The following PCDHA9 variants were observed in gnomAD, a reference collection of about 807,000 sequenced individuals.
PCDHA9 encodes the protein protocadherin alpha-9.
A neutral mutation model predicts 62.0 loss-of-function variants in PCDHA9; 62 were observed. The ratio of observed to expected loss-of-function variants is 1.00; its 90% CI spans 0.81 to 1.23. The LOEUF is 1.23. PCDHA9 is among the 50% of genes most tolerant of loss of function. The pLI is 0.00. For missense variants in PCDHA9, 1,205 were observed against 1,249.8 expected (o/e 0.96, Z 0.54); for synonymous variants, 557 against 567.6 (o/e 0.98, Z 0.27).
intron 1 of PCDHA9, chr5:140,870,574 T>C (rs1429082420): frequency 6.2e-7 from 1 of 1,613,934 alleles, no homozygotes; most frequent in Non-Finnish European, 8.5e-7. Flanking sequence ...GCTGGTGTCC[T>C]ACTCGCTGGT....
At chr5:140,948,489 T>C (rs547481990) in intron 1 of PCDHA9, among the ~76,000 whole-genome samples, 6 of 151,790 alleles carry the variant, frequency 4.0e-5, no homozygotes, top group Admixed American at 3.3e-4. Context: ...TTCAATTTCT[T>C]TCATAGACTT....
intron 1 of PCDHA9, among the ~76,000 whole-genome samples, chr5:140,946,631 T>TATATATATATATATATATACACAC (rs57893927): frequency 7.6e-6 from 1 of 131,846 alleles, no homozygotes; most frequent in South Asian, 2.2e-4. Context: ...TATATATATA[T>TATATATATATATATATATACACAC]ACAATGGAAT....
chr5:140,912,851 A>C lies in PCDHA9; in HGVS notation c.2394+61962A>C, dbSNP rs564747882. ...TTTTATTAAATGCTTTTTCAGCATCAATTGAAATGATATATGGTTTTTGGT... is the reference window on the plus strand; with the variant it reads ...TTTTATTAAATGCTTTTTCAGCATCCATTGAAATGATATATGGTTTTTGGT... On this transcript the variant is annotated intron_variant, in intron 1 of 3. Coordinates refer to ENST00000532602, the MANE Select transcript of PCDHA9 (RefSeq NM_031857.2). Among the ~76,000 whole-genome samples, 3 of 152,328 alleles carry C rather than the reference A, an allele frequency of 2.0e-5. No individual in the cohort carries two copies. The South Asian group carries it at 6.2e-4, about 32-fold the overall frequency.
intron 1 of PCDHA9, among the ~76,000 whole-genome samples, chr5:140,898,111 T>C (rs1319791706): frequency 6.6e-6 from 1 of 152,184 alleles, no homozygotes; most frequent in Non-Finnish European, 1.5e-5. Context: ...ATGAGTAGGT[T>C]GCGAAAATTT....
intron 1 of PCDHA9, chr5:140,966,657 G>A: frequency 1.7e-6 from 2 of 1,210,192 alleles, no homozygotes; most frequent in Admixed American, 3.9e-5. Context: ...TGAGCGGTGG[G>A]GGAGCAGGCG....
chr5:140,872,429 C>T (rs2053657736), intron 1 of PCDHA9, among the ~76,000 whole-genome samples: 1 of 152,028 alleles, frequency 6.6e-6, no homozygotes, highest in Non-Finnish European at 1.5e-5. Flanking sequence ...GAGTTCGAGG[C>T]CTGCCTGGAC....
intron 1 of PCDHA9, among the ~76,000 whole-genome samples, chr5:140,953,252 T>C (rs557973424): frequency 3.3e-5 from 5 of 152,318 alleles, no homozygotes; most frequent in Admixed American, 1.3e-4. Context: ...TTCAGTTTAG[T>C]TCTTTTAGCT....
intron 1 of PCDHA9, chr5:140,927,032 C>T: frequency 6.2e-7 from 1 of 1,612,120 alleles, no homozygotes; most frequent in Non-Finnish European, 8.5e-7. Context: ...AGGCTGCCAG[C>T]GGCCGCTATG....
At chr5:140,878,063 T>A (rs2057461897) in intron 1 of PCDHA9, 1 of 402,806 alleles carries the variant, frequency 2.5e-6, no homozygotes, top group Non-Finnish European at 4.1e-6. Context: ...CACTTAATAT[T>A]TTTCTTTTTC....
chr5:141,004,350 G>A (rs2098163029), intron 3 of PCDHA9, among the ~76,000 whole-genome samples: 1 of 152,192 alleles, frequency 6.6e-6, no homozygotes, highest in South Asian at 2.1e-4. Context: ...GTGAGGGACT[G>A]GAGAGACCAC....
chr5:140,874,040 T>G (rs1303509988), intron 1 of PCDHA9, among the ~76,000 whole-genome samples: 7 of 152,220 alleles, frequency 4.6e-5, no homozygotes, highest in Admixed American at 4.6e-4. Flanking sequence ...AGAAACTTGG[T>G]GATGATATTA....
chr5:140,928,792 G>T (rs1190569981), intron 1 of PCDHA9: 1 of 1,614,048 alleles, frequency 6.2e-7, no homozygotes, highest in African/African-American at 1.3e-5. Context: ...TAAGCAGAGG[G>T]TGGTGGTAGT....
chr5:140,876,920 A>G (rs782247870), intron 1 of PCDHA9: 1 of 1,613,928 alleles, frequency 6.2e-7, no homozygotes, highest in Non-Finnish European at 8.5e-7. Context: ...TGGGACGCGG[A>G]CGCGCAGAAG....
At chr5:140,886,253 T>G (rs2060912572) in intron 1 of PCDHA9, among the ~76,000 whole-genome samples, 1 of 152,034 alleles carries the variant, frequency 6.6e-6, no homozygotes, top group African/African-American at 2.4e-5. Context: ...TAAAAGTATC[T>G]CTATTTATAG....
chr5:140,923,641 T>C (rs2081461052), intron 1 of PCDHA9, among the ~76,000 whole-genome samples: 1 of 152,230 alleles, frequency 6.6e-6, no homozygotes. Context: ...CAAAAATCTT[T>C]AGCCTCCCTT....
In PCDHA9 at chr5:140,849,693, A is replaced by C. The variant is rs2150445321; in HGVS notation, c.1198A>C (p.Thr400Pro). 85 of 1,598,584 alleles carry C rather than the reference A, an allele frequency of 5.3e-5. 3 individuals are homozygous for C. The East Asian group carries it at 1.1e-3, about 21-fold the overall frequency. Residue 400 changes from threonine to proline, a missense_variant, in exon 1 of 4, where the codon ACC becomes CCC. This residue lies in a region of PCDHA9 where 887 missense variants were observed against 809.5 expected (regional missense o/e 1.10). Coordinates refer to ENST00000532602, the MANE Select transcript of PCDHA9 (RefSeq NM_031857.2). ...CCACGTCCCCTTCAAGCTGGTGTCC[A>C]CCTACAAGAATTACTACTCGTTGGT... Reference protein sequence around the residue: ...TPHVPFKLVSTYKNYYSLVLD... With the variant: ...TPHVPFKLVSPYKNYYSLVLD...
intron 1 of PCDHA9, chr5:140,871,378 T>C: frequency 6.2e-7 from 1 of 1,614,188 alleles, no homozygotes; most frequent in South Asian, 1.1e-5. Context: ...GAGGGTGTGC[T>C]CTGAGGAGGG....
chr5:140,964,894 T>C (rs754817292), intron 1 of PCDHA9, among the ~76,000 whole-genome samples: 8 of 152,210 alleles, frequency 5.3e-5, no homozygotes, highest in Non-Finnish European at 1.2e-4. Flanking sequence ...GATAGGAGGC[T>C]GGGCGCTTCT....
At chr5:140,954,526 G>A (rs2095049912) in intron 1 of PCDHA9, among the ~76,000 whole-genome samples, 1 of 152,184 alleles carries the variant, frequency 6.6e-6, no homozygotes, top group Admixed American at 6.5e-5. Flanking sequence ...GATCAGTGAT[G>A]TTGAGGTTTT....
Sources: gnomAD v4.1 joint callset for allele counts (sites outside exome capture counted in the v4.1 genomes callset) on GRCh38, gnomAD v4.1.1 for gene constraint, gnomAD v4.1.1 regional missense constraint, MANE v1.5 for transcripts, NCBI Gene and HGNC (gene_info 2026-07-23, HGNC 2026-07-21) for gene names.